The following ZNF91 variants were observed in gnomAD, a reference collection of about 807,000 sequenced individuals.
ZNF91 encodes the protein zinc finger protein 91.
Under a neutral mutation model 12.6 loss-of-function variants are expected in ZNF91, and 7 were observed. That is an observed-to-expected ratio of 0.55 (90% confidence interval 0.31 to 1.04). ZNF91 has a LOEUF of 1.04. Among genes scored for constraint, ZNF91 ranks in the 50% least tolerant of loss-of-function variants. The probability of loss-of-function intolerance (pLI) is 0.05; values close to 1 mark genes in which losing one functional copy is unlikely to be tolerated. For missense variants in ZNF91, 1,217 were observed against 1,385.4 expected, an observed-to-expected ratio of 0.88 and a Z score of 1.93; for synonymous variants, 453 against 462.6, an observed-to-expected ratio of 0.98 and a Z score of 0.27.
intron 1 of ZNF91, among the ~76,000 whole-genome samples, chr19:23,392,575 T>A (rs532662606): frequency 1.3e-5 from 2 of 151,994 alleles, no homozygotes; most frequent in African/African-American, 4.8e-5. Flanking sequence ...GGAAAAATCA[T>A]GAGGGCAGGA....
intron 1 of ZNF91, among the ~76,000 whole-genome samples, chr19:23,330,612 T>C (rs931985082): frequency 3.3e-5 from 5 of 152,126 alleles, no homozygotes; most frequent in Non-Finnish European, 5.9e-5. Context: ...TAATTCTGCA[T>C]CACCACACCA....
chr19:23,381,710 T>C (rs1370944853), intron 1 of ZNF91, among the ~76,000 whole-genome samples: 1 of 152,160 alleles, frequency 6.6e-6, no homozygotes, highest in Admixed American at 6.5e-5. Flanking sequence ...TCCGCCCGAC[T>C]TGGCCTCCCA....
chr19:23,316,593 G>A (rs562469027), intron 1 of ZNF91, among the ~76,000 whole-genome samples: 1 of 152,166 alleles, frequency 6.6e-6, no homozygotes, highest in Non-Finnish European at 1.5e-5. Context: ...TACAGGTGAT[G>A]TGACTCTCCT....
At chr19:23,323,491 A>G (rs1052610493) in intron 1 of ZNF91, among the ~76,000 whole-genome samples, 1 of 116,730 alleles carries the variant, frequency 8.6e-6, no homozygotes, top group Non-Finnish European at 1.7e-5. Flanking sequence ...TCTTCTTCCT[A>G]TCATCCTCCT....
In ZNF91 at chr19:23,346,595, C is replaced by T. The variant is rs535963802; in HGVS notation, c.254-7541G>A. On this transcript the variant is annotated intron_variant, in intron 3 of 3. Transcript: ENST00000599743. ...GACCCAGCTATCCCAGAAGGAACCA[C>T]TAAACCTTTCTCCCTCTATACCGAT... Among the ~76,000 whole-genome samples the T allele has an allele frequency of 4.6e-5, 7 of 152,300 alleles. No homozygotes were observed. The South Asian group carries it at 1.0e-3, about 23-fold the overall frequency.
intron 3 of ZNF91, among the ~76,000 whole-genome samples, chr19:23,367,253 A>G (rs1568390344): frequency 6.6e-6 from 1 of 152,190 alleles, no homozygotes; most frequent in South Asian, 2.1e-4. Context: ...GATTATGCCA[A>G]TACACTCCAG....
intron 1 of ZNF91, among the ~76,000 whole-genome samples, chr19:23,382,473 G>C (rs999533222): frequency 6.6e-6 from 1 of 152,194 alleles, no homozygotes; most frequent in Non-Finnish European, 1.5e-5. Flanking sequence ...ACAGATAATT[G>C]AAGAAGAAAA....
At chr19:23,317,700 C>A (rs1420934050) in intron 1 of ZNF91, among the ~76,000 whole-genome samples, 9 of 152,134 alleles carry the variant, frequency 5.9e-5, no homozygotes, top group Admixed American at 4.6e-4. Flanking sequence ...ATATGTGGAT[C>A]CAGTCCACAG....
intron 3 of ZNF91, among the ~76,000 whole-genome samples, chr19:23,351,457 G>A (rs891955920): frequency 3.9e-5 from 6 of 152,108 alleles, no homozygotes; most frequent in Admixed American, 6.5e-5. Context: ...CTGATAAATC[G>A]GGGAGAATTA....
At position 23,361,556 on chromosome 19, in the gene ZNF91, A is replaced by C. The variant is rs1435329159; in HGVS notation, c.1423T>G (p.Ser475Ala). 6.2e-7 allele frequency: 1 copy of C among 1,613,712 alleles called. No homozygotes were observed. The highest frequency in any genetic ancestry group is 1.7e-5 in the Admixed American group (1 of 60,004). The change falls in exon 4 of 4, where the codon TCA (serine) becomes GCA (alanine). Residue 475 changes from serine (S) to alanine (A), a missense_variant. Coordinates refer to ENST00000300619, the MANE Select transcript of ZNF91 (RefSeq NM_003430.4). Reference protein sequence around the residue: ...KECGKAFIWSSTLTRHKRIHT... With the variant: ...KECGKAFIWSATLTRHKRIHT... ...ATCCTCTTATGTCTAGTTAGGGTTGAAGACCATATAAATGCTTTGCCACAT... is the reference window on the plus strand; with the variant it reads ...ATCCTCTTATGTCTAGTTAGGGTTGCAGACCATATAAATGCTTTGCCACAT...
intron 3 of ZNF91, among the ~76,000 whole-genome samples, chr19:23,344,014 A>G (rs78688347): frequency 0.027 from 4,075 of 152,302 alleles, 148 homozygotes; most frequent in African/African-American, 0.087. Context: ...AAATGGACAG[A>G]TTGGCATCAG....
rs1422956091 is a variant in ZNF91, at chr19:23,359,249, G to A, written c.*154C>T. On this transcript the variant is annotated 3_prime_UTR_variant, in exon 4 of 4. Coordinates refer to ENST00000300619, the MANE Select transcript of ZNF91 (RefSeq NM_003430.4). ...TTCTTTTTTTTTTTTTTGAGACGGA[G>A]TCTCGCTCTGTCGCCCAGGCTTGAG... is the stretch of plus-strand genomic sequence containing the variant. The A allele has an allele frequency of 1.3e-5, 5 of 383,162 alleles. No individual in the cohort carries two copies. The highest frequency in any genetic ancestry group is 2.4e-5 in the Non-Finnish European group (5 of 207,962). 23.7% of individuals were successfully genotyped at this position (383,162 alleles called of 1,614,324 possible).
rs924238792 is a variant in ZNF91 at position 23,362,174 on chromosome 19, C to T, written c.805G>A (p.Glu269Lys). Residue 269 changes from glutamate to lysine, a missense_variant, in exon 4 of 4, where the codon GAA becomes AAA. Coordinates refer to ENST00000300619, the MANE Select transcript of ZNF91 (RefSeq NM_003430.4). ...ICAKEKIYKC[E>K]ECGKAFLWSS... ...CATAGAAATGCTTTGCCACATTCTT[C>T]ACACTTGTAGATTTTCTCTTTAGCA... 7 of 1,612,750 alleles carry T rather than the reference C, an allele frequency of 4.3e-6. No individual in the cohort carries two copies. Among genetic ancestry groups the T allele is most frequent in the Middle Eastern group, 1.7e-4 (1 of 6,052 alleles).
intron 1 of ZNF91, chr19:23,327,813 T>A (rs550386788): frequency 1.3e-5 from 2 of 152,384 alleles, no homozygotes; most frequent in East Asian, 3.9e-4. Context: ...TAAATCTATA[T>A]GTATTTGGTT....
chr19:23,332,096 GGTTT>G (rs1432608378), intron 1 of ZNF91, among the ~76,000 whole-genome samples: 19 of 152,128 alleles, frequency 1.2e-4, no homozygotes, highest in Admixed American at 1.0e-3. Context: ...TTCTTAGCCA[GGTTT>G]GTTTGTATTT....
chr19:23,370,321 TAA>T (rs1969223893), intron 3 of ZNF91, among the ~76,000 whole-genome samples: 1 of 152,140 alleles, frequency 6.6e-6, no homozygotes. Context: ...ATGATTTCAC[TAA>T]GATATATAAA....
rs911512310 is a variant in ZNF91 at position 23,357,817 on chromosome 19, A to G, written c.*1586T>C. The G allele has an allele frequency of 1.3e-5, 2 of 152,188 alleles. No individual in the cohort carries two copies. The highest frequency in any genetic ancestry group is 4.8e-5 in the African/African-American group (2 of 41,452). The allele number at this position is 152,188 out of a possible 1,614,324, so 9.4% of individuals were successfully genotyped here. A position where few individuals can be genotyped will look rare whatever the true frequency, so the allele number is the denominator to read the frequency against. On this transcript the variant is annotated 3_prime_UTR_variant, in exon 4 of 4. Coordinates refer to ENST00000300619, the MANE Select transcript of ZNF91 (RefSeq NM_003430.4). Reference sequence around the variant, plus strand: ...AAACTGTAGAATTGAATTATTTGTAATACAAAGAATAAATGCTAGAGGTAA... The same window carrying G: ...AAACTGTAGAATTGAATTATTTGTAGTACAAAGAATAAATGCTAGAGGTAA...
chr19:23,356,730 G>A (rs1044177189), downstream of ZNF91, among the ~76,000 whole-genome samples: 1 of 151,408 alleles, frequency 6.6e-6, no homozygotes, highest in African/African-American at 2.5e-5. Flanking sequence ...GTAACTTATG[G>A]AACAATAAAA....
Position 23,362,675 on chromosome 19 carries a change from C to T in ZNF91, c.304G>A (p.Asp102Asn). 1 of 1,537,006 alleles carries T rather than the reference C, an allele frequency of 6.5e-7. No homozygotes were observed. The highest frequency in any genetic ancestry group is 8.7e-7 in the Non-Finnish European group (1 of 1,148,450). ...CTCAGTAATACTTTTTGAAAAGAAT[C>T]TTCCATGCTCTGCTCTGGCCAAAAG... ...QDFWPEQSME[D>N]SFQKVLLRKY... is the part of the protein sequence containing the mutation. The change falls in exon 4 of 4, where the codon GAT (aspartate) becomes AAT (asparagine). Residue 102 changes from aspartate to asparagine, a missense_variant. Around this residue, in one of 2 missense-constraint regions of ZNF91, gnomAD observed 726 missense variants for 895.5 expected, o/e 0.81. Coordinates refer to ENST00000300619, the MANE Select transcript of ZNF91 (RefSeq NM_003430.4).
Sources: allele counts gnomAD v4.1 joint callset (sites outside exome capture counted in the v4.1 genomes callset), GRCh38; gene constraint gnomAD v4.1.1; regional missense constraint gnomAD v4.1.1; transcripts MANE v1.5; gene names NCBI Gene and HGNC (gene_info 2026-07-23, HGNC 2026-07-21).